KIAA0319: variants seen among roughly 807,000 people sequenced by gnomAD.
The protein encoded by KIAA0319 is KIAA0319.
Under a neutral mutation model 108.4 loss-of-function variants are expected in KIAA0319, and 83 were observed. That is an observed-to-expected ratio of 0.77 (90% CI 0.64 to 0.92). The LOEUF (loss-of-function observed/expected upper bound fraction) is 0.92. Ranked by LOEUF, KIAA0319 falls within the 40% of genes least tolerant of loss-of-function variation. The pLI is 0.00. For missense variants in KIAA0319, 1,195 were observed against 1,322.4 expected, an observed-to-expected ratio of 0.90 and a Z score of 1.49; for synonymous variants, 484 against 510.4, an observed-to-expected ratio of 0.95 and a Z score of 0.70.
intron 10 of KIAA0319, among the ~76,000 whole-genome samples, chr6:24,572,911 TTCG>T (rs1764930561): frequency 6.6e-6 from 1 of 151,926 alleles, no homozygotes; most frequent in Non-Finnish European, 1.5e-5. Context: ...AGGTCAGGAG[TTCG>T]AGACCAGCCT....
Position 24,599,528 on chromosome 6 carries a change from G to T in KIAA0319, c.55+1521C>A. 1.8e-6 allele frequency: 1 copy of T among 570,518 alleles called. No homozygotes were observed. The allele number at this position is 570,518 out of a possible 1,614,324, so 35.3% of individuals were successfully genotyped here. ...TGGACATCGAGATTGTCACCTACAG[G>T]AAGGTGCTGGAGGGCGAGGAGAGCT... is the stretch of plus-strand genomic sequence containing the variant. On this transcript the variant is annotated intron_variant, in intron 2 of 20. Transcript: ENST00000378214. The surrounding 1 kb of genome is among the most constrained non-coding windows in gnomAD (Gnocchi z 4.1).
intron 14 of KIAA0319, 120 bp from the exon 15 acceptor site, chr6:24,564,460 G>C (rs1371384527): frequency 1.7e-5 from 22 of 1,279,228 alleles, no homozygotes; most frequent in Non-Finnish European, 2.4e-5. Context: ...TTAAGAGGGA[G>C]GCTGCAGGGA....
At chr6:24,575,744 CTTTT>C (rs367630973) in intron 10 of KIAA0319, among the ~76,000 whole-genome samples, 2 of 146,222 alleles carry the variant, frequency 1.4e-5, no homozygotes, top group Non-Finnish European at 3.0e-5. Context: ...AAGGTCCTAT[CTTTT>C]TTTTTTTTCT....
chr6:24,618,499 T>G (rs1773471508), intron 1 of KIAA0319, among the ~76,000 whole-genome samples: 1 of 151,592 alleles, frequency 6.6e-6, no homozygotes, highest in South Asian at 2.1e-4. Flanking sequence ...TTGTAGTCCC[T>G]GCTACTCAGG....
intron 20 of KIAA0319, among the ~76,000 whole-genome samples, chr6:24,550,766 G>A (rs1007910458): frequency 2.0e-5 from 3 of 151,180 alleles, no homozygotes; most frequent in African/African-American, 4.8e-5. Context: ...CTCCACCCGC[G>A]AGTAGAAAAA....
intron 1 of KIAA0319, among the ~76,000 whole-genome samples, chr6:24,613,177 A>G (rs1772618470): frequency 1.3e-5 from 2 of 152,022 alleles, no homozygotes; most frequent in South Asian, 4.2e-4. Context: ...GCTTACATCT[A>G]CTCGGCATTA....
chr6:24,574,866 A>G (rs2817198), intron 10 of KIAA0319, among the ~76,000 whole-genome samples: 30,178 of 152,240 alleles, frequency 0.2, 3,177 homozygotes, highest in African/African-American at 0.28. Context: ...AAAGTTCAAC[A>G]GGGAAAGTAT....
chr6:24,589,678 T>C (rs1768149565), intron 3 of KIAA0319, among the ~76,000 whole-genome samples: 1 of 152,236 alleles, frequency 6.6e-6, no homozygotes, highest in South Asian at 2.1e-4. Context: ...CTTAAACCTC[T>C]TTCCTTTGTA....
Position 24,563,524 on chromosome 6 carries a change from G to T in KIAA0319, c.2432-6C>A, listed in dbSNP as rs1275896774. 2 of 1,603,272 alleles carry T rather than the reference G, an allele frequency of 1.2e-6. No homozygotes were observed. The highest frequency in any genetic ancestry group is 1.1e-5 in the South Asian group (1 of 89,646). On this transcript the variant is annotated splice_region_variant and splice_polypyrimidine_tract_variant and intron_variant, in intron 15 of 20. Coordinates refer to ENST00000378214, the MANE Select transcript of KIAA0319 (RefSeq NM_014809.4). ...CAGGCCACTCTTCCTAGGGTCTGGG[G>T]AAAGAGAAGATACAGGATTTGCACT...
intron 6 of KIAA0319, among the ~76,000 whole-genome samples, chr6:24,581,570 T>C (rs1468076161): frequency 3.9e-5 from 6 of 152,080 alleles, no homozygotes; most frequent in Non-Finnish European, 8.8e-5. Context: ...ATAGGGCAAA[T>C]TGTGACCTGG....
At position 24,561,843 on chromosome 6, in the gene KIAA0319, C is replaced by T. The variant is rs191705210; in HGVS notation, c.2591+1516G>A. Among the ~76,000 whole-genome samples the T allele has an allele frequency of 2.0e-5, 3 of 152,294 alleles. No homozygotes were observed. In the East Asian group the frequency reaches 5.8e-4, roughly 29 times the overall value. On this transcript the variant is annotated intron_variant, in intron 16 of 20. Coordinates refer to ENST00000378214, the MANE Select transcript of KIAA0319 (RefSeq NM_014809.4). ...TCAGCCTCTTGAGTAGCTGGAATTA[C>T]AGGTACCTGCCACCACACCCAGCTA...
chr6:24,566,276 GCCCCTGAT>G (rs1396814463), intron 14 of KIAA0319, among the ~76,000 whole-genome samples: 3 of 152,116 alleles, frequency 2.0e-5, no homozygotes, highest in Admixed American at 6.5e-5. Context: ...ATAAGGGTAG[GCCCCTGAT>G]CCAATAGGAT....
chr6:24,541,519 T>A (rs189810714), downstream of KIAA0319, among the ~76,000 whole-genome samples: 96 of 152,366 alleles, frequency 6.3e-4, no homozygotes, highest in South Asian at 1.2e-3. Context: ...TTTAGTCAGC[T>A]GGGCGCAGTG....
chr6:24,569,046 A>G (rs1764299020), intron 12 of KIAA0319, 117 bp from the exon 13 acceptor site: 2 of 1,028,424 alleles, frequency 1.9e-6, no homozygotes, highest in East Asian at 5.0e-5. Context: ...TACCATTTAG[A>G]GAATTCTAAG....
rs146774038 is a variant in KIAA0319, at chr6:24,619,418, G to A, written c.-105-18210C>T. On this transcript the variant is annotated intron_variant, in intron 1 of 20. Coordinates refer to ENST00000378214, the MANE Select transcript of KIAA0319 (RefSeq NM_014809.4). ...TTTGCTGATGGATAAGATGTAAGGT[G>A]TGACACAAAAACAAGAGTCCTAGAT... Among the ~76,000 whole-genome samples the A allele has an allele frequency of 3.3e-5, 5 of 152,312 alleles. No homozygotes were observed. In the East Asian group the frequency reaches 9.6e-4, roughly 29 times the overall value.
chr6:24,570,156 C>T (rs1764489082), intron 11 of KIAA0319, 121 bp from the exon 12 acceptor site: 6 of 922,272 alleles, frequency 6.5e-6, no homozygotes, highest in Non-Finnish European at 9.8e-6. Flanking sequence ...GAGTATGCAG[C>T]ATCCTTTGGA....
chr6:24,613,873 T>A (rs1772753694), intron 1 of KIAA0319, among the ~76,000 whole-genome samples: 1 of 152,196 alleles, frequency 6.6e-6, no homozygotes. Context: ...GGGCTGAGTG[T>A]ATGAAAAAAA....
chr6:24,608,930 C>CAAA (rs57120652), intron 1 of KIAA0319, among the ~76,000 whole-genome samples: 3,561 of 30,100 alleles, frequency 0.12, 1,341 homozygotes, highest in Admixed American at 0.14. Flanking sequence ...GACTCCGTCT[C>CAAA]AAAAAAAAAA....
intron 1 of KIAA0319, among the ~76,000 whole-genome samples, chr6:24,611,473 C>T (rs1470804490): frequency 3.3e-5 from 5 of 151,746 alleles, no homozygotes; most frequent in Admixed American, 1.3e-4. Context: ...CACTCTAGCC[C>T]GGGCGACAGA....
Sources: allele counts gnomAD v4.1 joint callset (sites outside exome capture counted in the v4.1 genomes callset), GRCh38; gene constraint gnomAD v4.1.1; non-coding constraint Gnocchi (gnomAD v3.1); transcripts MANE v1.5; gene names NCBI Gene and HGNC (gene_info 2026-07-23, HGNC 2026-07-21).